LCOR: variants seen among roughly 807,000 people sequenced by gnomAD.
LCOR encodes the protein ligand-dependent corepressor.
Under a neutral mutation model 64.4 loss-of-function variants are expected in LCOR, and 14 were observed. The observed-to-expected ratio is 0.22, with a 90% CI of 0.14 to 0.34. The LOEUF (loss-of-function observed/expected upper bound fraction) is 0.34. Ranked by LOEUF, LCOR falls within the 10% of genes least tolerant of loss-of-function variation. LCOR has a pLI of 1.00. For synonymous variants in LCOR, 643 were observed against 642.5 expected (o/e 1.00, Z -0.01); for missense variants, 1,686 against 1,765.3 (o/e 0.96, Z 0.80).
chr10:96,839,852 AT>A (rs1200935801), intron 2 of LCOR, among the ~76,000 whole-genome samples: 4 of 151,878 alleles, frequency 2.6e-5, no homozygotes, highest in Non-Finnish European at 4.4e-5. Flanking sequence ...TACCCAGCTA[AT>A]TTTTTTGTAG....
chr10:96,858,298 T>C (rs371194560), intron 2 of LCOR, among the ~76,000 whole-genome samples: 4 of 152,206 alleles, frequency 2.6e-5, no homozygotes, highest in African/African-American at 9.6e-5. Flanking sequence ...TCAGAGCATG[T>C]TACTCTGAGG....
chr10:96,956,381 T>C (rs1383153532), intron 7 of LCOR: 2 of 985,490 alleles, frequency 2.0e-6, no homozygotes, highest in Non-Finnish European at 2.4e-6. Context: ...TACAAAATTA[T>C]TCACATTTTT....
intron 7 of LCOR, chr10:96,960,597 G>A (rs1847864222): frequency 6.6e-6 from 1 of 152,110 alleles, no homozygotes; most frequent in Non-Finnish European, 1.5e-5. Context: ...AAAGTTATAG[G>A]TTAAATTTTG....
chr10:96,938,797 A>G (rs1847396736), intron 4 of LCOR, among the ~76,000 whole-genome samples: 1 of 152,262 alleles, frequency 6.6e-6, no homozygotes, highest in African/African-American at 2.4e-5. Flanking sequence ...ATCAAAAATA[A>G]TACAACACTT....
intron 2 of LCOR, among the ~76,000 whole-genome samples, chr10:96,873,539 AGTT>A (rs1306686493): frequency 2.1e-5 from 3 of 140,102 alleles, no homozygotes; most frequent in Admixed American, 7.2e-5. Flanking sequence ...GTGCTAAGTA[AGTT>A]GTTTTGTTTT....
At position 96,989,740 on chromosome 10, in the gene LCOR, A is replaced by G. The variant is rs972474613; in HGVS notation, c.*4606A>G. 1.7e-5 allele frequency: 2 copies of G among 119,784 alleles called. No individual in the cohort carries two copies. The highest frequency in any genetic ancestry group is 2.1e-4 in the Admixed American group (2 of 9,496). The allele number at this position is 119,784 out of a possible 1,614,324, so 7.4% of individuals were successfully genotyped here. On this transcript the variant is annotated 3_prime_UTR_variant, in exon 8 of 8. Coordinates refer to ENST00000421806, the MANE Select transcript of LCOR (RefSeq NM_001346516.2). ...TTTTTAATAGAGACGAGGTTACGCT[A>G]TGTTGCCGAGGCTGATCTGAAACTC...
chr10:96,955,628 C>T, intron 7 of LCOR: 1 of 1,614,114 alleles, frequency 6.2e-7, no homozygotes, highest in Non-Finnish European at 8.5e-7. Context: ...ACCCTGGCTC[C>T]AAGCAGCCTC....
chr10:96,875,941 C>A (rs1312930996), intron 2 of LCOR, among the ~76,000 whole-genome samples: 4 of 151,688 alleles, frequency 2.6e-5, no homozygotes, highest in Admixed American at 6.6e-5. Context: ...TTTCAGAGAT[C>A]CCAGATTCTA....
chr10:96,958,341 T>C, intron 7 of LCOR: 17 of 1,532,190 alleles, frequency 1.1e-5, no homozygotes, highest in Non-Finnish European at 1.4e-5. Context: ...TTGAGTTATG[T>C]AAATTTTGTC....
intron 2 of LCOR, among the ~76,000 whole-genome samples, chr10:96,871,557 C>T (rs965324624): frequency 5.3e-5 from 8 of 151,044 alleles, no homozygotes; most frequent in Admixed American, 1.3e-4. Context: ...GGCCTACAGG[C>T]GTGAGCCACC....
intron 7 of LCOR, chr10:96,962,396 T>C (rs895821071): frequency 9.9e-5 from 15 of 152,168 alleles, no homozygotes; most frequent in African/African-American, 3.6e-4. Flanking sequence ...GCCTTTTTAC[T>C]TTGTAAATTT....
At chr10:96,881,817 A>C (rs1249548271) in intron 2 of LCOR, among the ~76,000 whole-genome samples, 2 of 152,164 alleles carry the variant, frequency 1.3e-5, no homozygotes, top group Non-Finnish European at 2.9e-5. Context: ...GATATTTTAT[A>C]GATTGTTGTG....
At chr10:96,868,682 T>A (rs1395682463) in intron 2 of LCOR, among the ~76,000 whole-genome samples, 1 of 152,210 alleles carries the variant, frequency 6.6e-6, no homozygotes, top group Non-Finnish European at 1.5e-5. Context: ...TCGTATCAGA[T>A]CAGATTCCCC....
At chr10:96,915,498 G>A (rs976730824) in intron 4 of LCOR, 22 of 422,830 alleles carry the variant, frequency 5.2e-5, no homozygotes, top group African/African-American at 3.7e-4. Flanking sequence ...TCCAGCCTGG[G>A]GAGAGAGTGA....
intron 3 of LCOR, 83 bp from the exon 4 acceptor site, chr10:96,907,585 T>TATC (rs1407422524): frequency 1.3e-5 from 7 of 555,066 alleles, no homozygotes; most frequent in Non-Finnish European, 1.6e-5. Context: ...AGTTTTTTGT[T>TATC]AAACAATATT....
intron 2 of LCOR, among the ~76,000 whole-genome samples, chr10:96,855,867 G>A (rs1176182533): frequency 6.6e-6 from 1 of 151,298 alleles, no homozygotes; most frequent in African/African-American, 2.4e-5. Flanking sequence ...TCAGCCTCCC[G>A]AGTAGCTGGG....
intron 7 of LCOR, chr10:96,957,729 A>T: frequency 7.1e-6 from 7 of 985,378 alleles, no homozygotes; most frequent in Non-Finnish European, 8.4e-6. Flanking sequence ...TCCCTCAGCA[A>T]CCTGTGTGTT....
intron 2 of LCOR, among the ~76,000 whole-genome samples, chr10:96,896,884 G>A (rs972960376): frequency 1.3e-5 from 2 of 152,122 alleles, no homozygotes; most frequent in African/African-American, 2.4e-5. Flanking sequence ...GGAGAGGATG[G>A]GAAGGGATAG....
chr10:96,836,459 T>C (rs1397823293), intron 2 of LCOR, among the ~76,000 whole-genome samples: 6 of 152,174 alleles, frequency 3.9e-5, no homozygotes, highest in African/African-American at 1.4e-4. Flanking sequence ...GAAGGGCAGT[T>C]AGGTGTTTAC....
Sources: allele counts gnomAD v4.1 joint callset (sites outside exome capture counted in the v4.1 genomes callset), GRCh38; gene constraint gnomAD v4.1.1; transcripts MANE v1.5; gene names NCBI Gene and HGNC (gene_info 2026-07-23, HGNC 2026-07-21).